Variants in PKP4 observed in about 807,000 individuals in gnomAD.
PKP4 encodes the protein plakophilin 4.
Under a neutral mutation model 145.1 loss-of-function variants are expected in PKP4, and 90 were observed. The observed-to-expected ratio is 0.62, with a 90% confidence interval of 0.52 to 0.74. The LOEUF is 0.74. Among genes scored for constraint, PKP4 ranks in the 30% least tolerant of loss-of-function variants. The probability of loss-of-function intolerance (pLI) is 0.00; values close to 1 mark genes in which losing one functional copy is unlikely to be tolerated. For missense variants in PKP4, 1,340 were observed against 1,482.7 expected, an observed-to-expected ratio of 0.90 and a Z score of 1.58; for synonymous variants, 563 against 577.2, an observed-to-expected ratio of 0.98 and a Z score of 0.35.
chr2:158,525,861 C>G (rs1359963561), intron 1 of PKP4, among the ~76,000 whole-genome samples: 1 of 148,904 alleles, frequency 6.7e-6, no homozygotes, highest in Non-Finnish European at 1.5e-5. Context: ...AACACCTCTA[C>G]GCAAATAAAC....
Position 158,634,150 on chromosome 2 carries a change from A to G in PKP4, c.1423A>G (p.Thr475Ala), listed in dbSNP as rs1452303924. The G allele has an allele frequency of 3.1e-6, 5 of 1,613,950 alleles. No homozygotes were observed. The highest frequency in any genetic ancestry group is 2.2e-5 in the South Asian group (2 of 91,084). The change falls in exon 9 of 22, where the codon ACA (threonine) becomes GCA (alanine). Residue 475 changes from threonine to alanine, a missense_variant. Coordinates refer to ENST00000389759, the MANE Select transcript of PKP4 (RefSeq NM_003628.6). ...AAGAAATAATTATGCTCTGAACACA[A>G]CAGCTACCTACGCGGAGCCCTACAG... is the stretch of plus-strand genomic sequence containing the variant. ...YQRNNYALNT[T>A]ATYAEPYRPI...
At chr2:158,666,621 A>C in intron 16 of PKP4, 58 bp downstream of exon 16, 1 of 1,419,870 alleles carries the variant, frequency 7.0e-7, no homozygotes, top group Non-Finnish European at 9.6e-7. Context: ...AATTCATGAA[A>C]CTCTTCTTTT....
At chr2:158,642,872 C>T (rs1015399595) in intron 11 of PKP4, among the ~76,000 whole-genome samples, 173 bp downstream of exon 11, 2 of 152,128 alleles carry the variant, frequency 1.3e-5, no homozygotes, top group Admixed American at 6.5e-5. Context: ...AGTCAGAAAC[C>T]GTTTAGAATG....
chr2:158,488,599 A>C (rs1228399604), intron 1 of PKP4, among the ~76,000 whole-genome samples: 2 of 152,144 alleles, frequency 1.3e-5, no homozygotes, highest in African/African-American at 4.8e-5. Flanking sequence ...CAGTAGGTTT[A>C]TGGTAGGCAG....
chr2:158,489,336 T>C (rs951322936), intron 1 of PKP4, among the ~76,000 whole-genome samples: 10 of 152,218 alleles, frequency 6.6e-5, no homozygotes, highest in African/African-American at 2.4e-4. Flanking sequence ...GGCCACACTA[T>C]CTTAATCATT....
At position 158,533,252 on chromosome 2, in the gene PKP4, C is replaced by T; in HGVS notation, c.68C>T (p.Ser23Phe). 1 of 1,614,068 alleles carries T rather than the reference C, an allele frequency of 6.2e-7. No homozygotes were observed. The highest frequency in any genetic ancestry group is 8.5e-7 in the Non-Finnish European group (1 of 1,179,986). The change falls in exon 2 of 22, where the codon TCC becomes TTC. Residue 23 changes from serine (S) to phenylalanine (F), a missense_variant. Coordinates refer to ENST00000389759, the MANE Select transcript of PKP4 (RefSeq NM_003628.6). ...CCACAGACCCGCCAGGAAGCTGCCT[C>T]CACTGGCCCAGGCATGGAACCCGAG... Reference protein sequence around the residue: ...GQPQTRQEAASTGPGMEPETT... With the variant: ...GQPQTRQEAAFTGPGMEPETT...
At chr2:158,665,063 C>T (rs3771680) in intron 15 of PKP4, among the ~76,000 whole-genome samples, 4,524 of 152,204 alleles carry the variant, frequency 0.03, 201 homozygotes, top group East Asian at 0.18. Context: ...TATATCTAAG[C>T]GATTTCAATA....
chr2:158,514,458 A>T (rs1442965162), intron 1 of PKP4, among the ~76,000 whole-genome samples: 1 of 152,226 alleles, frequency 6.6e-6, no homozygotes, highest in Non-Finnish European at 1.5e-5. Flanking sequence ...AAAACGAAAT[A>T]TAGTATTAAG....
intron 2 of PKP4, among the ~76,000 whole-genome samples, chr2:158,543,081 G>A (rs907529815): frequency 6.6e-6 from 1 of 152,022 alleles, no homozygotes; most frequent in African/African-American, 2.4e-5. Context: ...CAATTTCTTT[G>A]TGCCATGAGT....
intron 1 of PKP4, among the ~76,000 whole-genome samples, chr2:158,459,254 G>A (rs1689389208): frequency 6.6e-6 from 1 of 152,168 alleles, no homozygotes; most frequent in Non-Finnish European, 1.5e-5. Flanking sequence ...GTTTCTGGGT[G>A]TTGAAAAGCA....
At chr2:158,621,534 T>G (rs2052243013) in intron 6 of PKP4, 113 bp downstream of exon 6, 2 of 794,038 alleles carry the variant, frequency 2.5e-6, no homozygotes, top group Non-Finnish European at 4.1e-6. Flanking sequence ...TCACCTGAGG[T>G]CAGGAGTTCA....
rs570963763 is a variant in PKP4 at position 158,626,587 on chromosome 2, C to T, written c.1153+1160C>T. Among the ~76,000 whole-genome samples, 8 of 152,294 alleles carry T rather than the reference C, an allele frequency of 5.3e-5. No individual in the cohort carries two copies. In the East Asian group the frequency reaches 1.4e-3, roughly 26 times the overall value. On this transcript the variant is annotated intron_variant, in intron 7 of 21. Coordinates refer to ENST00000389759, the MANE Select transcript of PKP4 (RefSeq NM_003628.6). ...TTTGAGAGATATTACGTAGAATTGCCTTCTAAGAAGGTTACACACGGATTT... is the reference window on the plus strand; with the variant it reads ...TTTGAGAGATATTACGTAGAATTGCTTTCTAAGAAGGTTACACACGGATTT...
In PKP4 at chr2:158,673,937, C is replaced by T. The variant is rs754619384; in HGVS notation, c.3064C>T (p.Arg1022Ter). 5.0e-6 allele frequency: 8 copies of T among 1,613,072 alleles called. No individual in the cohort carries two copies. Among genetic ancestry groups the T allele is most frequent in the East Asian group, 2.2e-5 (1 of 44,882 alleles). The change falls in exon 19 of 22, where the codon CGA (arginine) becomes TGA (stop). Residue 1022 changes from arginine to a stop codon, truncating the protein, a stop_gained. Transcript: ENST00000389759. LOFTEE classifies it high-confidence loss of function. Reference sequence around the variant, plus strand: ...ACCTGTGTCGACATTGGAGCGAGACCGATTCAAATCACATCCTTCCTTGTC... The same window carrying T: ...ACCTGTGTCGACATTGGAGCGAGACTGATTCAAATCACATCCTTCCTTGTC... ...ITPVSTLERD[R>*]FKSHPSLSTT... is the part of the protein sequence containing the mutation.
At chr2:158,571,241 C>T (rs140972379) in intron 2 of PKP4, among the ~76,000 whole-genome samples, 37 of 152,102 alleles carry the variant, frequency 2.4e-4, no homozygotes, top group African/African-American at 7.5e-4. Flanking sequence ...CTAGATGGCT[C>T]GAGGCTCAAA....
At chr2:158,477,835 A>G (rs1255977798) in intron 1 of PKP4, among the ~76,000 whole-genome samples, 2 of 152,186 alleles carry the variant, frequency 1.3e-5, no homozygotes, top group African/African-American at 2.4e-5. Context: ...CAGCCTGAGT[A>G]ACATAGCAAG....
Position 158,658,134 on chromosome 2 carries a change from T to C in PKP4, c.1913T>C (p.Val638Ala). ...TTTTTTAAATCTCCTTTTTTAGGAG[T>C]TCTTTGGAATTTATCCTCATGTGAT... Reference protein sequence around the residue: ...DAEVRELVTGVLWNLSSCDAV... With the variant: ...DAEVRELVTGALWNLSSCDAV... The change falls in exon 12 of 22, where the codon GTT (valine) becomes GCT (alanine). Residue 638 changes from valine (V) to alanine (A), a missense_variant. By Grantham distance (64) the Val-to-Ala change is moderately conservative. Coordinates refer to ENST00000389759, the MANE Select transcript of PKP4 (RefSeq NM_003628.6). 1 of 1,572,914 alleles carries C rather than the reference T, an allele frequency of 6.4e-7. No homozygotes were observed. Among genetic ancestry groups the C allele is most frequent in the Admixed American group, 1.8e-5 (1 of 57,112 alleles).
Position 158,669,863 on chromosome 2 carries a change from G to T in PKP4, c.2872G>T (p.Asp958Tyr). The T allele has an allele frequency of 6.2e-7, 1 of 1,613,858 alleles. No individual in the cohort carries two copies. The highest frequency in any genetic ancestry group is 1.1e-5 in the South Asian group (1 of 90,996). Residue 958 changes from aspartate (D) to tyrosine (Y), a missense_variant, in exon 17 of 22, where the codon GAC becomes TAC. By Grantham distance (160) the Asp-to-Tyr change is radical. Transcript: ENST00000389759. ...CATGGAGAACGCAAAAGCCCTGGCC[G>T]ACTCAGGAGGCATAGAGAAGCTGGT... is the stretch of plus-strand genomic sequence containing the variant. ...KNMENAKALA[D>Y]SGGIEKLVNI... is the part of the protein sequence containing the mutation.
chr2:158,478,721 ATAAT>A (rs1182266905), intron 1 of PKP4, among the ~76,000 whole-genome samples: 2 of 152,256 alleles, frequency 1.3e-5, no homozygotes, highest in Admixed American at 6.5e-5. Flanking sequence ...AACACTAATG[ATAAT>A]TAAACTTTTT....
intron 9 of PKP4, 147 bp from the exon 10 acceptor site, chr2:158,640,480 A>G (rs1381033761): frequency 1.4e-6 from 1 of 740,262 alleles, no homozygotes; most frequent in Non-Finnish European, 2.2e-6. Flanking sequence ...ATCAGGGGGA[A>G]AAATTATTTA....
Sources: allele counts gnomAD v4.1 joint callset (sites outside exome capture counted in the v4.1 genomes callset), GRCh38; gene constraint gnomAD v4.1.1; transcripts MANE v1.5; gene names NCBI Gene and HGNC (gene_info 2026-07-23, HGNC 2026-07-21).